DAPK1: variants seen among roughly 807,000 people sequenced by gnomAD.
DAPK1 encodes death associated protein kinase 1.
DAPK1 carries 56 observed loss-of-function variants against 144.9 expected under a neutral mutation model. That is an observed-to-expected ratio of 0.39 (90% CI 0.31 to 0.48). DAPK1 has a LOEUF of 0.48. Ranked by LOEUF, DAPK1 falls within the 20% of genes least tolerant of loss-of-function variation. DAPK1 has a pLI of 0.95. For missense variants in DAPK1, 1,454 were observed against 1,875.4 expected (o/e 0.78, Z 4.15); for synonymous variants, 690 against 749.0 (o/e 0.92, Z 1.29).
At chr9:87,638,721 G>T (rs1829987328) in intron 4 of DAPK1, among the ~76,000 whole-genome samples, 1 of 152,246 alleles carries the variant, frequency 6.6e-6, no homozygotes, top group Non-Finnish European at 1.5e-5. Context: ...ATTCAGACCA[G>T]TAGAGCTGGG....
rs148832330 is a variant in DAPK1, at chr9:87,499,813, T to C, written c.62+674T>C. ...ATTCTCAGTGTAAAATCTTTCAGTTTCTAGGTAAACAAAGAATAGTTTCTT... is the reference window on the plus strand; with the variant it reads ...ATTCTCAGTGTAAAATCTTTCAGTTCCTAGGTAAACAAAGAATAGTTTCTT... On this transcript the variant is annotated intron_variant, in intron 2 of 25. Transcript: ENST00000408954. Among the ~76,000 whole-genome samples, 700 of 152,360 alleles carry C rather than the reference T, an allele frequency of 4.6e-3. 5 individuals carry two copies. The highest frequency in any genetic ancestry group is 6.8e-3 in the Middle Eastern group (2 of 294).
intron 2 of DAPK1, among the ~76,000 whole-genome samples, chr9:87,566,312 T>C (rs1368785685): frequency 6.6e-6 from 1 of 152,172 alleles, no homozygotes; most frequent in Non-Finnish European, 1.5e-5. Context: ...TGAGCCACTG[T>C]ACCCGGCCCT....
At chr9:87,500,787 T>G (rs1324314962) in intron 2 of DAPK1, among the ~76,000 whole-genome samples, 1 of 152,154 alleles carries the variant, frequency 6.6e-6, no homozygotes, top group Admixed American at 6.5e-5. Context: ...CAGTGTACAT[T>G]TTTGTGTATA....
intron 2 of DAPK1, among the ~76,000 whole-genome samples, chr9:87,600,697 T>C (rs1162588061): frequency 6.6e-6 from 1 of 152,240 alleles, no homozygotes; most frequent in African/African-American, 2.4e-5. Context: ...TGTCATAGCA[T>C]GCAAAGAATT....
intron 2 of DAPK1, among the ~76,000 whole-genome samples, chr9:87,510,651 C>T (rs1463786884): frequency 6.6e-6 from 1 of 152,142 alleles, no homozygotes; most frequent in Non-Finnish European, 1.5e-5. Context: ...GGCCTTTTGT[C>T]TCTGGTGTTG....
In DAPK1 at chr9:87,639,962, A is replaced by G. The variant is rs36211353; in HGVS notation, c.629+147A>G. The G allele has an allele frequency of 6.5e-4, 541 of 835,386 alleles. 3 individuals are homozygous for G. In the African/African-American group the frequency reaches 8.7e-3, roughly 13 times the overall value. 51.7% of individuals were successfully genotyped at this position (835,386 alleles called of 1,614,324 possible). ...CATTTTACACCCCCAAAACATGTTT[A>G]GTTTATACTAATTAAACATGTTCTC... On this transcript the variant is annotated intron_variant, in intron 7 of 25. Transcript: ENST00000408954.
At chr9:87,635,316 A>G (rs1395549334) in intron 3 of DAPK1, among the ~76,000 whole-genome samples, 3 of 152,106 alleles carry the variant, frequency 2.0e-5, no homozygotes, top group African/African-American at 7.2e-5. Context: ...GATTCACCCC[A>G]ACCAGGCAGC....
At chr9:87,660,345 G>A (rs1049407513) in intron 18 of DAPK1, among the ~76,000 whole-genome samples, 2 of 152,080 alleles carry the variant, frequency 1.3e-5, no homozygotes, top group Admixed American at 1.3e-4. Flanking sequence ...CCTCAGAAAC[G>A]TGACCACACC....
intron 20 of DAPK1, among the ~76,000 whole-genome samples, chr9:87,685,786 A>T (rs1479374864): frequency 1.3e-5 from 2 of 152,258 alleles, no homozygotes; most frequent in Non-Finnish European, 2.9e-5. Context: ...CATTGATTTG[A>T]AAATGAAAGT....
intron 2 of DAPK1, among the ~76,000 whole-genome samples, chr9:87,579,310 T>C (rs1456622726): frequency 1.3e-5 from 2 of 152,200 alleles, no homozygotes; most frequent in African/African-American, 4.8e-5. Context: ...GAATGACTTG[T>C]TGCATACTTT....
chr9:87,581,197 A>T (rs1187469764), intron 2 of DAPK1, among the ~76,000 whole-genome samples: 2 of 152,190 alleles, frequency 1.3e-5, no homozygotes, highest in East Asian at 3.8e-4. Context: ...ACGCATGGAC[A>T]CCTCTGTTCC....
chr9:87,579,728 G>A (rs569792789), intron 2 of DAPK1, among the ~76,000 whole-genome samples: 1 of 152,022 alleles, frequency 6.6e-6, no homozygotes, highest in Admixed American at 6.5e-5. Flanking sequence ...TTTCAATTCA[G>A]GGAAATCAGC....
intron 2 of DAPK1, among the ~76,000 whole-genome samples, chr9:87,562,288 C>G (rs1441580102): frequency 6.6e-6 from 1 of 152,228 alleles, no homozygotes; most frequent in South Asian, 2.1e-4. Flanking sequence ...CAATAGCGAA[C>G]GTGAGTTAGT....
chr9:87,655,089 C>T (rs1254035707), intron 17 of DAPK1, among the ~76,000 whole-genome samples: 1 of 152,188 alleles, frequency 6.6e-6, no homozygotes, highest in Non-Finnish European at 1.5e-5. Flanking sequence ...CATAGAGGGC[C>T]TTCTGTAGAT....
chr9:87,649,656 A>G (rs1329681293), intron 15 of DAPK1, among the ~76,000 whole-genome samples: 1 of 152,242 alleles, frequency 6.6e-6, no homozygotes, highest in East Asian at 1.9e-4. Flanking sequence ...CATATGCTTG[A>G]GAAAGCCAAA....
chr9:87,634,937 G>A (rs1829838145), intron 3 of DAPK1, among the ~76,000 whole-genome samples: 1 of 152,164 alleles, frequency 6.6e-6, no homozygotes, highest in African/African-American at 2.4e-5. Flanking sequence ...AAGAAAGACA[G>A]CAGCATTTAT....
chr9:87,669,201 A>C (rs1831167304), intron 19 of DAPK1, among the ~76,000 whole-genome samples: 1 of 152,220 alleles, frequency 6.6e-6, no homozygotes, highest in African/African-American at 2.4e-5. Flanking sequence ...CTGCAGTATT[A>C]TTTATAATAC....
chr9:87,545,475 A>C (rs1826212575), intron 2 of DAPK1, among the ~76,000 whole-genome samples: 1 of 152,202 alleles, frequency 6.6e-6, no homozygotes, highest in Admixed American at 6.5e-5. Flanking sequence ...AAAATAGGCA[A>C]ACTAGACAGA....
At chr9:87,551,497 T>G (rs1171654923) in intron 2 of DAPK1, among the ~76,000 whole-genome samples, 1 of 152,190 alleles carries the variant, frequency 6.6e-6, no homozygotes, top group Non-Finnish European at 1.5e-5. Context: ...AGGTTGGTGA[T>G]GAAGTCCTTA....
Sources: gnomAD v4.1 joint callset for allele counts (sites outside exome capture counted in the v4.1 genomes callset) on GRCh38, gnomAD v4.1.1 for gene constraint, MANE v1.5 for transcripts, NCBI Gene and HGNC (gene_info 2026-07-23, HGNC 2026-07-21) for gene names.